IQCE: variants seen among roughly 807,000 people sequenced by gnomAD.
IQCE encodes IQ motif containing E.
In IQCE, 115 loss-of-function variants were observed where a neutral mutation model predicts 96.0. The observed-to-expected ratio is 1.20, with a 90% CI of 1.03 to 1.40. The LOEUF (loss-of-function observed/expected upper bound fraction) is 1.40. IQCE is among the 40% of genes most tolerant of loss of function. The pLI is 0.00. For synonymous variants in IQCE, 412 were observed against 371.2 expected (o/e 1.11, Z -1.26); for missense variants, 1,041 against 909.1 (o/e 1.15, Z -1.87).
In IQCE at chr7:2,611,665, C is replaced by G. The variant is rs1018503809; in HGVS notation, c.*1503C>G. On this transcript the variant is annotated 3_prime_UTR_variant, in exon 22 of 22. Transcript: ENST00000402050. ...TGTCCCCAGCCCAGCCTGTTCTCTC[C>G]CAGTCACTCAGGGATGGGGCCACCC... 2 of 139,742 alleles carry G rather than the reference C, an allele frequency of 1.4e-5. No homozygotes were observed. Among genetic ancestry groups the G allele is most frequent in the African/African-American group, 5.1e-5 (2 of 39,586 alleles). 8.7% of individuals were successfully genotyped at this position (139,742 alleles called of 1,614,324 possible).
At chr7:2,583,147 G>A (rs892289032) in intron 9 of IQCE, among the ~76,000 whole-genome samples, 1 of 152,264 alleles carries the variant, frequency 6.6e-6, no homozygotes. Flanking sequence ...TCTTATTTCA[G>A]TGCAGAACCT....
chr7:2,567,550 T>G (rs1011575827), intron 2 of IQCE, among the ~76,000 whole-genome samples: 1 of 152,192 alleles, frequency 6.6e-6, no homozygotes, highest in African/African-American at 2.4e-5. Context: ...CAAGCTGAAC[T>G]GCTGCCTGGC....
chr7:2,591,563 G>A (rs1341169068), intron 14 of IQCE, among the ~76,000 whole-genome samples: 2 of 151,880 alleles, frequency 1.3e-5, no homozygotes, highest in African/African-American at 4.8e-5. Context: ...AGCCACCGAG[G>A]CCCTACCCCA....
Position 2,601,425 on chromosome 7 carries a change from C to CTT in IQCE, c.1609-6_1609-5dup, listed in dbSNP as rs369981952. ...GTGTTAATTCATGTATTTTTTCTTT[C>CTT]TTTTTTTTTTTCCAGAAAAAAAAGG... On this transcript the variant is annotated splice_polypyrimidine_tract_variant and intron_variant, in intron 17 of 21. Transcript: ENST00000402050. 2,811 of 1,224,876 alleles carry CTT rather than the reference C, an allele frequency of 2.3e-3. No individual in the cohort carries two copies. The highest frequency in any genetic ancestry group is 2.7e-3 in the Non-Finnish European group (2,370 of 890,544). 75.9% of individuals were successfully genotyped at this position (1,224,876 alleles called of 1,614,324 possible). A position where few individuals can be genotyped will look rare whatever the true frequency, so the allele number is the denominator to read the frequency against.
chr7:2,579,836 C>T (rs2917738), intron 8 of IQCE, among the ~76,000 whole-genome samples: 1 of 151,026 alleles, frequency 6.6e-6, no homozygotes, highest in African/African-American at 2.4e-5. Context: ...ATTCAGCTCA[C>T]GTGATCCCTG....
In IQCE at chr7:2,568,973, T is replaced by A; in HGVS notation, c.104T>A (p.Phe35Tyr). 6.2e-7 allele frequency: 1 copy of A among 1,613,852 alleles called. No homozygotes were observed. The highest frequency in any genetic ancestry group is 8.5e-7 in the Non-Finnish European group (1 of 1,180,020). Reference sequence around the variant, plus strand: ...TTTCAGAAAGCAAAAAGGAAAGCTTTCCACAAACCTCCACCCACATCGCCA... The same window carrying A: ...TTTCAGAAAGCAAAAAGGAAAGCTTACCACAAACCTCCACCCACATCGCCA... ...DVETKAKRKA[F>Y]HKPPPTSPKS... Residue 35 changes from phenylalanine to tyrosine, a missense_variant, in exon 3 of 22, where the codon TTC becomes TAC. Transcript: ENST00000402050.
In IQCE at chr7:2,605,909, G is replaced by A. The variant is rs766450988; in HGVS notation, c.1777G>A (p.Ala593Thr). Residue 593 changes from alanine to threonine, a missense_variant, in exon 20 of 22, where the codon GCC (alanine) becomes ACC (threonine). By Grantham distance (58) the Ala-to-Thr change is moderately conservative. Transcript: ENST00000402050. ...TGTGCCCCGCGTTCCGAGCCCCATC[G>A]CCCAGGCCACGGGCAGCCCTGTGCA... ...SPVPRVPSPI[A>T]QATGSPVQEE... 29 of 1,607,454 alleles carry A rather than the reference G, an allele frequency of 1.8e-5. No homozygotes were observed. Among genetic ancestry groups the A allele is most frequent in the South Asian group, 4.4e-5 (4 of 89,932 alleles).
intron 16 of IQCE, 43 bp from the exon 17 acceptor site, chr7:2,598,422 T>C: frequency 6.6e-7 from 1 of 1,522,220 alleles, no homozygotes; most frequent in African/African-American, 1.4e-5. Flanking sequence ...TGGTTGTCCC[T>C]GCCCTGGCTT....
intron 16 of IQCE, chr7:2,597,075 G>T (rs1043285901): frequency 4.2e-6 from 2 of 471,208 alleles, no homozygotes; most frequent in East Asian, 6.9e-5. Flanking sequence ...GCCAGGAGGC[G>T]GCAGGGTCGT....
chr7:2,588,331 C>A (rs1783293347), intron 13 of IQCE, among the ~76,000 whole-genome samples: 1 of 151,896 alleles, frequency 6.6e-6, no homozygotes, highest in Non-Finnish European at 1.5e-5. Flanking sequence ...GGAATTGGAC[C>A]TTTGTTTTGT....
intron 19 of IQCE, 101 bp downstream of exon 19, chr7:2,605,092 C>T (rs978601990): frequency 5.0e-6 from 4 of 795,920 alleles, no homozygotes; most frequent in South Asian, 1.6e-5. Flanking sequence ...GCCTCCACAT[C>T]CCCGCCCGCC....
intron 16 of IQCE, among the ~76,000 whole-genome samples, chr7:2,595,760 C>T (rs1226739539): frequency 1.3e-5 from 2 of 148,980 alleles, no homozygotes; most frequent in East Asian, 2.0e-4. Flanking sequence ...CAGCCATGCT[C>T]CGGTCACCAT....
intron 16 of IQCE, chr7:2,597,031 A>C (rs1395128788): frequency 2.1e-6 from 1 of 471,242 alleles, no homozygotes; most frequent in African/African-American, 2.0e-5. Flanking sequence ...AACAGGAGGC[A>C]GGGCACGCAA....
At chr7:2,605,644 A>ATAAG (rs1369978115) in intron 19 of IQCE, among the ~76,000 whole-genome samples, 5 of 143,938 alleles carry the variant, frequency 3.5e-5, no homozygotes, top group African/African-American at 1.2e-4. Context: ...AAGTAAATAA[A>ATAAG]TAAATAAATA....
intron 4 of IQCE, 106 bp from the exon 5 acceptor site, chr7:2,572,086 T>G (rs1284059925): frequency 1.3e-5 from 16 of 1,220,778 alleles, no homozygotes; most frequent in Non-Finnish European, 1.7e-5. Flanking sequence ...GGCTGGCGTC[T>G]ATCAGTGATT....
At position 2,610,327 on chromosome 7, in the gene IQCE, A is replaced by T; in HGVS notation, c.*165A>T. The T allele has an allele frequency of 1.7e-6, 1 of 592,254 alleles. No individual in the cohort carries two copies. Among genetic ancestry groups the T allele is most frequent in the Non-Finnish European group, 3.1e-6 (1 of 327,318 alleles). 36.7% of individuals were successfully genotyped at this position (592,254 alleles called of 1,614,324 possible). A position where few individuals can be genotyped will look rare whatever the true frequency, so the allele number is the denominator to read the frequency against. Reference sequence around the variant, plus strand: ...GCTTTTGTTTGTGGAAGGAGACCCAAATGCCTTTACTTTATTCTCTGGGGA... The same window carrying T: ...GCTTTTGTTTGTGGAAGGAGACCCATATGCCTTTACTTTATTCTCTGGGGA... On this transcript the variant is annotated 3_prime_UTR_variant, in exon 22 of 22. Transcript: ENST00000402050.
chr7:2,578,240 A>T lies in IQCE; in HGVS notation c.466-2A>T. 6.2e-7 allele frequency: 1 copy of T among 1,610,268 alleles called. No individual in the cohort carries two copies. The highest frequency in any genetic ancestry group is 8.5e-7 in the Non-Finnish European group (1 of 1,176,912). ...GCTGTGCATGGCCCTTGTTTTCTTC[A>T]GTCATTGCACGTGCAGAAGAGCGAC... On this transcript the variant is annotated splice_acceptor_variant, in intron 6 of 21. Coordinates refer to ENST00000402050, the MANE Select transcript of IQCE (RefSeq NM_152558.5). LOFTEE classifies it high-confidence loss of function.
intron 18 of IQCE, among the ~76,000 whole-genome samples, chr7:2,603,504 G>T (rs1784579241): frequency 6.6e-6 from 1 of 152,174 alleles, no homozygotes; most frequent in African/African-American, 2.4e-5. Flanking sequence ...TGCCTCAGGG[G>T]CCTCGTCTCT....
chr7:2,591,910 CCG>C, intron 14 of IQCE, among the ~76,000 whole-genome samples: 2 of 150,890 alleles, frequency 1.3e-5, no homozygotes, highest in African/African-American at 2.4e-5. Context: ...GCGTGAGCCA[CCG>C]CACCCGGGCC....
Sources: allele counts gnomAD v4.1 joint callset (sites outside exome capture counted in the v4.1 genomes callset), GRCh38; gene constraint gnomAD v4.1.1; transcripts MANE v1.5; gene names NCBI Gene and HGNC (gene_info 2026-07-23, HGNC 2026-07-21).